Variants in NBAS observed in about 807,000 individuals in gnomAD.
NBAS encodes NAG/BC035112 fusion.
Under a neutral mutation model 302.5 loss-of-function variants are expected in NBAS, and 219 were observed. That is an observed-to-expected ratio of 0.72 (90% CI 0.65 to 0.81). NBAS has a LOEUF of 0.81. Ranked by LOEUF, NBAS falls within the 30% of genes least tolerant of loss-of-function variation. NBAS has a pLI of 0.00. For synonymous variants in NBAS, 1,118 were observed against 1,021.6 expected, an observed-to-expected ratio of 1.09 and a Z score of -1.80; for missense variants, 2,932 against 2,841.6, an observed-to-expected ratio of 1.03 and a Z score of -0.72.
At chr2:15,186,087 C>T (rs200988164) in intron 50 of NBAS, among the ~76,000 whole-genome samples, 236 of 74,724 alleles carry the variant, frequency 3.2e-3, no homozygotes, top group African/African-American at 0.013. Context: ...TATATATATA[C>T]ACACACACAC....
chr2:15,468,259 C>T, intron 17 of NBAS, 123 bp downstream of exon 17: 1 of 1,205,298 alleles, frequency 8.3e-7, no homozygotes, highest in Non-Finnish European at 1.2e-6. Flanking sequence ...CAGTATTGAT[C>T]AAAAGCAACT....
At chr2:15,543,991 G>A (rs1663982065) in intron 6 of NBAS, among the ~76,000 whole-genome samples, 1 of 152,114 alleles carries the variant, frequency 6.6e-6, no homozygotes, top group East Asian at 1.9e-4. Context: ...CTTCAATCCA[G>A]TGCCCATTTA....
chr2:15,387,764 T>C (rs7590963), intron 28 of NBAS, among the ~76,000 whole-genome samples: 94,029 of 151,882 alleles, frequency 0.62, 29,914 homozygotes, highest in Middle Eastern at 0.68. Context: ...CCCTAGTAGC[T>C]GGGACTACAA....
chr2:14,961,977 T>C, the NBAS span, among the ~76,000 whole-genome samples: 1 of 152,280 alleles, frequency 6.6e-6, no homozygotes, highest in African/African-American at 2.4e-5. Flanking sequence ...AGATGGGGTG[T>C]CAGCCAGGCT....
At position 15,251,616 on chromosome 2, in the gene NBAS, C is replaced by A. The variant is rs529562994; in HGVS notation, c.5725-12930G>T. ...TATGCTAAATTAGGGGTGTATTATT[C>A]ATGTCTCCCCTTTTTAGATCATATA... On this transcript the variant is annotated intron_variant, in intron 44 of 51. Transcript: ENST00000281513. Among the ~76,000 whole-genome samples the A allele has an allele frequency of 2.0e-5, 3 of 152,250 alleles. No homozygotes were observed. In the East Asian group the frequency reaches 5.8e-4, roughly 29 times the overall value.
In NBAS at chr2:15,292,686, A is replaced by C. The variant is rs774890071; in HGVS notation, c.4878T>G (p.Ile1626Met). The C allele has an allele frequency of 2.5e-6, 4 of 1,614,224 alleles. No individual in the cohort carries two copies. In the South Asian group the frequency reaches 3.3e-5, roughly 13 times the overall value. ...HEHEAWPEDL[I>M]SLTKQLHCYN... ...AGCAGTGTAACTGCTTGGTCAGTGA[A>C]ATAAGGTCTTCAGGCCAGGCTTCGT... Residue 1626 changes from isoleucine to methionine, a missense_variant, in exon 41 of 52, where the codon ATT (isoleucine) becomes ATG (methionine). Ile to Met is a conservative substitution (Grantham distance 10, BLOSUM62 1). Transcript: ENST00000281513.
the NBAS span, among the ~76,000 whole-genome samples, chr2:15,064,843 A>C: frequency 6.6e-6 from 1 of 152,192 alleles, no homozygotes; most frequent in African/African-American, 2.4e-5. Context: ...AAAACCCTTA[A>C]TAAAATAATA....
chr2:14,846,728 G>C, the NBAS span, among the ~76,000 whole-genome samples: 645 of 152,116 alleles, frequency 4.2e-3, 6 homozygotes, highest in African/African-American at 0.015. Context: ...TTTATGAAAA[G>C]AGAATTAAGT....
chr2:15,504,168 A>C lies in NBAS; in HGVS notation c.931T>G (p.Tyr311Asp), dbSNP rs1212324271. 1 of 1,613,646 alleles carries C rather than the reference A, an allele frequency of 6.2e-7. No homozygotes were observed. Among genetic ancestry groups the C allele is most frequent in the Admixed American group, 1.7e-5 (1 of 60,026 alleles). Residue 311 changes from tyrosine to aspartate, a missense_variant, in exon 11 of 52, where the codon TAC becomes GAC. Tyr to Asp is a radical substitution (Grantham distance 160). Transcript: ENST00000281513. The part of the protein sequence containing the change: ...GLLRMLSVKF[Y>D]SRQGQEQDGI... ...ACCTGTTCTTGTCCCTGGCGACTGT[A>C]AAACTTGACACTTAACATCCTTAAT...
chr2:15,472,176 G>A (rs1438977966), intron 16 of NBAS, among the ~76,000 whole-genome samples: 1 of 152,144 alleles, frequency 6.6e-6, no homozygotes, highest in Non-Finnish European at 1.5e-5. Flanking sequence ...TTTAAGCTCT[G>A]GGTGCTGGAG....
At chr2:15,427,064 T>G (rs1413909173) in intron 22 of NBAS, among the ~76,000 whole-genome samples, 1 of 152,048 alleles carries the variant, frequency 6.6e-6, no homozygotes, top group Non-Finnish European at 1.5e-5. Flanking sequence ...ATTACTCAAC[T>G]CCTCCTATGC....
intron 47 of NBAS, among the ~76,000 whole-genome samples, chr2:15,226,856 C>T (rs1021644852): frequency 3.3e-5 from 5 of 152,100 alleles, no homozygotes; most frequent in South Asian, 2.1e-4. Context: ...TATGTGCAAA[C>T]GTGGACAATC....
the NBAS span, among the ~76,000 whole-genome samples, chr2:14,859,613 G>A: frequency 1.3e-5 from 2 of 152,016 alleles, no homozygotes; most frequent in Non-Finnish European, 2.9e-5. Flanking sequence ...AAATGGTGCT[G>A]GGAAAACTGG....
At chr2:15,130,854 A>G in the NBAS span, among the ~76,000 whole-genome samples, 1 of 152,182 alleles carries the variant, frequency 6.6e-6, no homozygotes, top group Non-Finnish European at 1.5e-5. Flanking sequence ...TAATTTCTAG[A>G]CCAGTGGGCT....
chr2:15,241,675 T>G (rs1019645734), intron 44 of NBAS, among the ~76,000 whole-genome samples: 1 of 152,202 alleles, frequency 6.6e-6, no homozygotes, highest in Non-Finnish European at 1.5e-5. Context: ...CCATAGTAAG[T>G]GCTCAGTAAA....
the NBAS span, among the ~76,000 whole-genome samples, chr2:15,056,986 G>A: frequency 2.0e-5 from 3 of 151,772 alleles, no homozygotes; most frequent in East Asian, 3.9e-4. Context: ...TTGCCACCAC[G>A]CCCGGCTAAT....
intron 25 of NBAS, among the ~76,000 whole-genome samples, chr2:15,407,651 T>TA (rs2148442744): frequency 6.6e-6 from 1 of 152,264 alleles, no homozygotes; most frequent in Non-Finnish European, 1.5e-5. Flanking sequence ...AGCAAAATTT[T>TA]AAAAAAGACC....
At chr2:15,469,259 G>C (rs1163900609) in intron 16 of NBAS, among the ~76,000 whole-genome samples, 4 of 152,116 alleles carry the variant, frequency 2.6e-5, no homozygotes, top group Non-Finnish European at 5.9e-5. Context: ...GAATGTGTTT[G>C]CTCTTATTTC....
chr2:15,184,187 C>T (rs987180927), intron 50 of NBAS, among the ~76,000 whole-genome samples: 11 of 152,154 alleles, frequency 7.2e-5, no homozygotes, highest in Admixed American at 2.0e-4. Flanking sequence ...TATTCCCAGG[C>T]GGCTAAAAGA....
Sources: allele counts gnomAD v4.1 joint callset (sites outside exome capture counted in the v4.1 genomes callset), GRCh38; gene constraint gnomAD v4.1.1; transcripts MANE v1.5; gene names NCBI Gene and HGNC (gene_info 2026-07-23, HGNC 2026-07-21).